The following CTIF variants were observed in gnomAD, a reference collection of about 807,000 sequenced individuals.
The protein encoded by CTIF is cap binding complex dependent translation initiation factor, also known as CBP80/20-dependent translation initiation factor.
CTIF carries 21 observed loss-of-function variants against 66.0 expected under a neutral mutation model. The ratio of observed to expected loss-of-function variants is 0.32; its 90% CI spans 0.23 to 0.46. The LOEUF is 0.46. Ranked by LOEUF, CTIF falls within the 20% of genes least tolerant of loss-of-function variation. CTIF has a pLI of 1.00. For missense variants in CTIF, 739 were observed against 812.7 expected, an observed-to-expected ratio of 0.91 and a Z score of 1.10; for synonymous variants, 345 against 326.4, an observed-to-expected ratio of 1.06 and a Z score of -0.62.
intron 6 of CTIF, among the ~76,000 whole-genome samples, chr18:48,673,968 C>T (rs1348113239): frequency 6.6e-6 from 1 of 152,170 alleles, no homozygotes; most frequent in East Asian, 1.9e-4. Context: ...GCCCATTGGA[C>T]AGAACTAGTC....
chr18:48,583,223 C>A (rs2089698020), intron 1 of CTIF, among the ~76,000 whole-genome samples: 1 of 152,144 alleles, frequency 6.6e-6, no homozygotes, highest in South Asian at 2.1e-4. Flanking sequence ...TGGGTGGGGC[C>A]AACAGTGCTT....
At chr18:48,792,250 G>A (rs2067809047) in intron 9 of CTIF, among the ~76,000 whole-genome samples, 1 of 152,052 alleles carries the variant, frequency 6.6e-6, no homozygotes, top group Non-Finnish European at 1.5e-5. Context: ...GAAAGGCCCA[G>A]AGGCAGGAGT....
intron 3 of CTIF, among the ~76,000 whole-genome samples, chr18:48,651,536 T>C (rs1420073022): frequency 6.6e-6 from 1 of 152,238 alleles, no homozygotes; most frequent in Non-Finnish European, 1.5e-5. Flanking sequence ...AACACCGCAC[T>C]GTCAATATTA....
intron 9 of CTIF, among the ~76,000 whole-genome samples, chr18:48,787,971 G>T (rs893405342): frequency 1.3e-5 from 2 of 152,162 alleles, no homozygotes; most frequent in African/African-American, 2.4e-5. Flanking sequence ...TCTCCTGGGG[G>T]TGACATGGGC....
At chr18:48,652,868 C>T (rs1005495918) in intron 3 of CTIF, among the ~76,000 whole-genome samples, 18 of 152,132 alleles carry the variant, frequency 1.2e-4, no homozygotes, top group South Asian at 4.1e-4. Context: ...ACAAAACCAA[C>T]GACAAAAACC....
chr18:48,641,793 G>A (rs1336058333), intron 3 of CTIF, among the ~76,000 whole-genome samples: 1 of 152,150 alleles, frequency 6.6e-6, no homozygotes, highest in African/African-American at 2.4e-5. Flanking sequence ...AGCAGGTCTG[G>A]GTCTTCCTAA....
chr18:48,635,327 C>CTTTTTTTTTTTTTTT (rs561455888), intron 2 of CTIF, among the ~76,000 whole-genome samples: 3 of 113,376 alleles, frequency 2.6e-5, no homozygotes, highest in African/African-American at 6.6e-5. Context: ...CTTTTTCTTT[C>CTTTTTTTTTTTTTTT]TTTTTTTTTT....
chr18:48,744,294 T>C (rs980311545), intron 7 of CTIF, among the ~76,000 whole-genome samples: 1 of 152,218 alleles, frequency 6.6e-6, no homozygotes, highest in Non-Finnish European at 1.5e-5. Context: ...TCAATTTTAT[T>C]GTATTTCATT....
chr18:48,549,127 T>C (rs2088824278), intron 1 of CTIF, among the ~76,000 whole-genome samples: 2 of 152,270 alleles, frequency 1.3e-5, no homozygotes, highest in Admixed American at 6.5e-5. Flanking sequence ...TCAGACACTG[T>C]TATCAGTCAT....
intron 4 of CTIF, 98 bp from the exon 5 acceptor site, chr18:48,664,349 C>A: frequency 9.2e-7 from 1 of 1,090,026 alleles, no homozygotes; most frequent in Non-Finnish European, 1.4e-6. Context: ...CTCCTTTCTG[C>A]GGATCTGCTC....
chr18:48,711,870 C>T (rs899002807), intron 7 of CTIF, among the ~76,000 whole-genome samples, 175 bp downstream of exon 7: 1 of 152,102 alleles, frequency 6.6e-6, no homozygotes, highest in Non-Finnish European at 1.5e-5. Context: ...GGCAGAGTGG[C>T]GGCTCCACTT....
chr18:48,849,248 A>G (rs2069145417), intron 10 of CTIF, among the ~76,000 whole-genome samples: 1 of 130,536 alleles, frequency 7.7e-6, no homozygotes, highest in Admixed American at 9.3e-5. Context: ...GTCAGGCAGG[A>G]GTGCAGTCGT....
At chr18:48,541,791 A>G (rs899262981) in intron 1 of CTIF, among the ~76,000 whole-genome samples, 3 of 152,114 alleles carry the variant, frequency 2.0e-5, no homozygotes, top group Non-Finnish European at 4.4e-5. Context: ...TAGAATAATA[A>G]TATGTTTGTA....
intron 11 of CTIF, among the ~76,000 whole-genome samples, chr18:48,858,616 A>G (rs2069383711): frequency 6.6e-6 from 1 of 152,106 alleles, no homozygotes; most frequent in African/African-American, 2.4e-5. Flanking sequence ...GGGGACCGAG[A>G]CGGGGACTGA....
rs1599107202 is a variant in CTIF at position 48,539,053 on chromosome 18, T to A, written c.-288T>A. ...GTCACTCTCCTACATTCTCTTTCCCTGTGTCAGATCAGGGATCATTTTTTT... is the reference window on the plus strand; with the variant it reads ...GTCACTCTCCTACATTCTCTTTCCCAGTGTCAGATCAGGGATCATTTTTTT... On this transcript the variant is annotated 5_prime_UTR_variant, in exon 1 of 12. Coordinates refer to ENST00000256413, the MANE Select transcript of CTIF (RefSeq NM_014772.3). 6.6e-6 allele frequency: 1 copy of A among 152,274 alleles called. No homozygotes were observed. The highest frequency in any genetic ancestry group is 2.1e-4 in the South Asian group (1 of 4,836). 9.4% of individuals were successfully genotyped at this position (152,274 alleles called of 1,614,324 possible). A position where few individuals can be genotyped will look rare whatever the true frequency, so the allele number is the denominator to read the frequency against.
chr18:48,776,183 C>T (rs1229602746), intron 9 of CTIF, among the ~76,000 whole-genome samples: 1 of 152,204 alleles, frequency 6.6e-6, no homozygotes, highest in Non-Finnish European at 1.5e-5. Context: ...CAGAAGATAC[C>T]CGCCACCCCT....
intron 1 of CTIF, among the ~76,000 whole-genome samples, chr18:48,605,243 A>T (rs2090181331): frequency 6.6e-6 from 1 of 152,192 alleles, no homozygotes; most frequent in South Asian, 2.1e-4. Flanking sequence ...TGACATTCCC[A>T]TGAGCAGTGT....
At chr18:48,572,991 T>C (rs966621211) in intron 1 of CTIF, among the ~76,000 whole-genome samples, 2 of 151,682 alleles carry the variant, frequency 1.3e-5, no homozygotes, top group South Asian at 4.2e-4. Context: ...AGACCCTGTC[T>C]TAAAAAAACA....
intron 1 of CTIF, among the ~76,000 whole-genome samples, chr18:48,580,693 G>T (rs1227525376): frequency 6.6e-6 from 1 of 152,198 alleles, no homozygotes; most frequent in Non-Finnish European, 1.5e-5. Context: ...TTACCGGACC[G>T]TCGTCTTTCT....
Sources: allele counts gnomAD v4.1 joint callset (sites outside exome capture counted in the v4.1 genomes callset), GRCh38; gene constraint gnomAD v4.1.1; transcripts MANE v1.5; gene names NCBI Gene and HGNC (gene_info 2026-07-23, HGNC 2026-07-21).